The following IQSEC1 variants were observed in gnomAD, a reference collection of about 807,000 sequenced individuals.
IQSEC1 encodes IQ motif and SEC7 domain-containing protein 1.
A neutral mutation model predicts 91.0 loss-of-function variants in IQSEC1; 31 were observed. The ratio of observed to expected loss-of-function variants is 0.34; its 90% confidence interval spans 0.26 to 0.46. IQSEC1 has a LOEUF of 0.46. Ranked by LOEUF, IQSEC1 falls within the 20% of genes least tolerant of loss-of-function variation. The probability of loss-of-function intolerance (pLI) is 1.00; values close to 1 mark genes in which losing one functional copy is unlikely to be tolerated. For synonymous variants in IQSEC1, 699 were observed against 662.6 expected (o/e 1.05, Z -0.84); for missense variants, 1,388 against 1,575.6 (o/e 0.88, Z 2.02).
At position 12,967,777 on chromosome 3, in the gene IQSEC1, G is replaced by A. The variant is rs1700689693; in HGVS notation, c.24-25912C>T. ...GGGCCGGAGGGCGAGCTGGGGGCGG[G>A]GCCGGAGGGCGAGCTGGGGGCGGGG... is the stretch of plus-strand genomic sequence containing the variant. On this transcript the variant is annotated intron_variant, in intron 1 of 13. Coordinates refer to ENST00000613206, the MANE Select transcript of IQSEC1 (RefSeq NM_001134382.3). The surrounding 1 kb of genome is among the most constrained non-coding windows in gnomAD (Gnocchi z 5.9). 1 of 842,240 alleles carries A rather than the reference G, an allele frequency of 1.2e-6. No individual in the cohort carries two copies. Among genetic ancestry groups the A allele is most frequent in the Non-Finnish European group, 1.4e-6 (1 of 691,920 alleles). 52.2% of individuals were successfully genotyped at this position (842,240 alleles called of 1,614,324 possible). A position where few individuals can be genotyped will look rare whatever the true frequency, so the allele number is the denominator to read the frequency against.
At position 12,935,408 on chromosome 3, in the gene IQSEC1, C is replaced by T. The variant is rs1177982562; in HGVS notation, c.1568+40G>A. 1.1e-5 allele frequency: 18 copies of T among 1,573,462 alleles called. No individual in the cohort carries two copies. Among genetic ancestry groups the T allele is most frequent in the Non-Finnish European group, 1.6e-5 (18 of 1,154,924 alleles). On this transcript the variant is annotated intron_variant, in intron 3 of 13. Coordinates refer to ENST00000613206, the MANE Select transcript of IQSEC1 (RefSeq NM_001134382.3). The surrounding 1 kb of genome is among the most constrained non-coding windows in gnomAD (Gnocchi z 8.0). ...CGCCCACCCGCCAAGGCCCAGCAAG[C>T]CACAGCTGCCCACCCTGAGGGGTCA...
intron 2 of IQSEC1, among the ~76,000 whole-genome samples, chr3:13,158,618 C>T (rs758695871): frequency 6.6e-6 from 1 of 152,116 alleles, no homozygotes; most frequent in Non-Finnish European, 1.5e-5. Context: ...TTGGAAAATG[C>T]CAGTCAACGT....
intron 2 of IQSEC1, among the ~76,000 whole-genome samples, chr3:13,107,526 C>T (rs1157086700): frequency 6.6e-6 from 1 of 152,250 alleles, no homozygotes; most frequent in East Asian, 1.9e-4. Flanking sequence ...CCCAAGGCCA[C>T]AGAGCTGGTA....
chr3:12,933,358 G>A (rs1294177468), intron 3 of IQSEC1, among the ~76,000 whole-genome samples: 1 of 152,176 alleles, frequency 6.6e-6, no homozygotes, highest in African/African-American at 2.4e-5. Context: ...CTATAGCCAC[G>A]GCGGGGACTA....
At chr3:13,117,564 C>A (rs1211905832) in intron 2 of IQSEC1, among the ~76,000 whole-genome samples, 1 of 82,758 alleles carries the variant, frequency 1.2e-5, no homozygotes, top group East Asian at 3.4e-4. Flanking sequence ...AGCAAGACTC[C>A]GTCTCAAAAA....
Position 12,992,250 on chromosome 3 carries a change from CG to C in IQSEC1, c.24-50386del, listed in dbSNP as rs1702023457. 6.6e-6 allele frequency among the ~76,000 whole-genome samples: 1 copy of C among 150,660 alleles called. No individual in the cohort carries two copies. Among genetic ancestry groups the C allele is most frequent in the African/African-American group, 2.5e-5 (1 of 40,794 alleles). Reference sequence around the variant, plus strand: ...CATCTCTAACACAGTAGGGTGGCTCCGGGATGCTCCCTCCGGCACTGATGCT... The same window carrying C: ...CATCTCTAACACAGTAGGGTGGCTCCGGATGCTCCCTCCGGCACTGATGCT... On this transcript the variant is annotated intron_variant, in intron 1 of 13. Coordinates refer to ENST00000613206, the MANE Select transcript of IQSEC1 (RefSeq NM_001134382.3). The surrounding 1 kb of genome is among the most constrained non-coding windows in gnomAD (Gnocchi z 4.1).
chr3:13,180,924 G>A (rs891318516), intron 1 of IQSEC1, among the ~76,000 whole-genome samples: 6 of 152,046 alleles, frequency 3.9e-5, no homozygotes, highest in Non-Finnish European at 7.4e-5. Context: ...GAGGGTCCGC[G>A]GCTTCATTCT....
intron 1 of IQSEC1, among the ~76,000 whole-genome samples, chr3:13,271,971 C>G (rs1330472406): frequency 2.0e-5 from 3 of 152,136 alleles, no homozygotes; most frequent in Non-Finnish European, 4.4e-5. Flanking sequence ...ACAGTCCACC[C>G]AACAGCAGAA....
chr3:13,061,582 G>A (rs1305246791), intron 1 of IQSEC1, among the ~76,000 whole-genome samples: 1 of 152,070 alleles, frequency 6.6e-6, no homozygotes, highest in African/African-American at 2.4e-5. Context: ...CTAACATACC[G>A]AGCCCATGAC....
intron 1 of IQSEC1, among the ~76,000 whole-genome samples, chr3:13,279,179 G>A (rs1695745486): frequency 6.6e-6 from 1 of 152,168 alleles, no homozygotes; most frequent in South Asian, 2.1e-4. Context: ...AAAATGCAAT[G>A]GCCTGAATCA....
intron 6 of IQSEC1, among the ~76,000 whole-genome samples, chr3:12,917,858 C>T (rs959711734): frequency 5.3e-5 from 8 of 152,220 alleles, no homozygotes; most frequent in Non-Finnish European, 8.8e-5. Flanking sequence ...ACTTTAATAA[C>T]AAGGAAAGAC....
rs148582383 is a variant in IQSEC1 at position 12,978,847 on chromosome 3, G to A, written c.24-36982C>T. 3.9e-5 allele frequency among the ~76,000 whole-genome samples: 6 copies of A among 152,334 alleles called. No individual in the cohort carries two copies. In the East Asian group the frequency reaches 1.2e-3, roughly 29 times the overall value. ...ATTAGTCATTCAGGGAAGGCTTCCT[G>A]TAGGAGGTGATGCCTGTCTTGGGAT... On this transcript the variant is annotated intron_variant, in intron 1 of 13. Coordinates refer to ENST00000613206, the MANE Select transcript of IQSEC1 (RefSeq NM_001134382.3).
Position 13,282,936 on chromosome 3 carries a change from T to C in IQSEC1, c.47A>G (p.Gln16Arg), listed in dbSNP as rs989918208. Residue 16 changes from glutamine (Q) to arginine (R), a missense_variant, in exon 1 of 16, where the codon CAG (glutamine) becomes CGG (arginine). Gln to Arg is a conservative substitution (Grantham distance 43). Coordinates refer to the IQSEC1 transcript ENST00000648114. This position sits in a 1 kb window ranked among gnomAD's most constrained non-coding sequence, Gnocchi z 6.4. Reference sequence around the variant, plus strand: ...CGCGGCGACGATCCGGGTCAGCTCCTGCAGGTACTCGGCCGCCTGGCCGGG... The same window carrying C: ...CGCGGCGACGATCCGGGTCAGCTCCCGCAGGTACTCGGCCGCCTGGCCGGG... Among the ~76,000 whole-genome samples the C allele has an allele frequency of 1.4e-4, 21 of 146,958 alleles. No individual in the cohort carries two copies. The highest frequency in any genetic ancestry group is 2.7e-4 in the Non-Finnish European group (18 of 65,980).
chr3:13,247,809 T>C (rs1477241110), intron 1 of IQSEC1, among the ~76,000 whole-genome samples: 1 of 152,070 alleles, frequency 6.6e-6, no homozygotes, highest in Non-Finnish European at 1.5e-5. Flanking sequence ...CACACAGGCA[T>C]TGCAGGCACT....
intron 2 of IQSEC1, among the ~76,000 whole-genome samples, chr3:13,130,095 C>T (rs897915131): frequency 6.6e-6 from 1 of 151,246 alleles, no homozygotes; most frequent in African/African-American, 2.4e-5. Context: ...CCTATAATCA[C>T]AGCACTTTGG....
At chr3:13,014,395 T>A (rs1028848520) in intron 1 of IQSEC1, among the ~76,000 whole-genome samples, 1 of 152,158 alleles carries the variant, frequency 6.6e-6, no homozygotes, top group African/African-American at 2.4e-5. Context: ...CTGTCCCATG[T>A]CACATGGCTG....
chr3:13,247,456 G>GC (rs1181764604), intron 1 of IQSEC1, among the ~76,000 whole-genome samples: 3 of 152,094 alleles, frequency 2.0e-5, no homozygotes, highest in East Asian at 1.9e-4. Flanking sequence ...CTCCCTCATC[G>GC]CCCCCCTTGG....
intron 1 of IQSEC1, among the ~76,000 whole-genome samples, chr3:13,003,616 T>C (rs1462440050): frequency 1.3e-5 from 2 of 152,230 alleles, no homozygotes; most frequent in South Asian, 2.1e-4. Flanking sequence ...GTGAATTTCA[T>C]AGAGTAAAGT....
rs77501311 is a variant in IQSEC1 at position 12,911,780 on chromosome 3, C to A, written c.2317-52G>T. The A allele has an allele frequency of 4.8e-3, 5,899 of 1,226,232 alleles. 205 individuals are homozygous for A. In the African/African-American group the frequency reaches 0.077, roughly 16 times the overall value. The allele number at this position is 1,226,232 out of a possible 1,614,324, so 76.0% of individuals were successfully genotyped here. On this transcript the variant is annotated intron_variant, in intron 9 of 13. Transcript: ENST00000613206. ...GCTACAGTGTCTCGGGGGGCACTGA[C>A]TATGTGGGACCTCTGGTCAGAGGAT...
Sources: gnomAD v4.1 joint callset for allele counts (sites outside exome capture counted in the v4.1 genomes callset) on GRCh38, gnomAD v4.1.1 for gene constraint, Gnocchi (gnomAD v3.1) non-coding constraint, MANE v1.5 for transcripts, NCBI Gene and HGNC (gene_info 2026-07-23, HGNC 2026-07-21) for gene names.